Variants in NDUFC1 observed in about 807,000 individuals in gnomAD.
NDUFC1 encodes the protein NADH:ubiquinone oxidoreductase subunit C1.
In NDUFC1, 11 loss-of-function variants were observed where a neutral mutation model predicts 11.6. The ratio of observed to expected loss-of-function variants is 0.95; its 90% CI spans 0.60 to 1.58. NDUFC1 has a LOEUF of 1.58. Ranked by LOEUF, NDUFC1 falls within the 40% of genes most tolerant of loss-of-function variation. The probability of loss-of-function intolerance (pLI) is 0.00; values close to 1 mark genes in which losing one functional copy is unlikely to be tolerated. For synonymous variants in NDUFC1, 52 were observed against 42.2 expected (o/e 1.23, Z -0.90); for missense variants, 112 against 93.0 (o/e 1.20, Z -0.84).
At chr4:139,293,838 TTTC>T (rs553198883) in intron 4 of NDUFC1, among the ~76,000 whole-genome samples, 11 of 152,180 alleles carry the variant, frequency 7.2e-5, no homozygotes, top group African/African-American at 2.4e-4. Context: ...TCTCCAAGTG[TTTC>T]TTATCTGTAA....
At chr4:139,294,003 A>T (rs893208000) in intron 4 of NDUFC1, among the ~76,000 whole-genome samples, 8 of 133,108 alleles carry the variant, frequency 6.0e-5, no homozygotes, top group Non-Finnish European at 1.2e-4. Flanking sequence ...GTGCGGTAGC[A>T]CGATCTCGGC....
chr4:139,301,745 G>A, intron 1 of NDUFC1: 3 of 1,553,044 alleles, frequency 1.9e-6, no homozygotes, highest in Non-Finnish European at 1.7e-6. Context: ...ACCGAGCCGG[G>A]TGGTGGCGGG....
Position 139,295,730 on chromosome 4 carries a change from ACGGCCGCT to A in NDUFC1, c.61_67+1del. 6.5e-7 allele frequency: 1 copy of A among 1,542,788 alleles called. No homozygotes were observed. The highest frequency in any genetic ancestry group is 8.7e-7 in the Non-Finnish European group (1 of 1,144,540). On this transcript the variant is annotated splice_donor_variant and coding_sequence_variant, in exon 3 of 6. Transcript: ENST00000394223. LOFTEE classifies it high-confidence loss of function. ...GTCGGCCTGCACGAGGAGGATACTC[ACGGCCGCT>A]CGGGAGCCTGGCGGGGGCCAGCAGC...
chr4:139,301,817 T>G, intron 1 of NDUFC1: 1 of 1,593,894 alleles, frequency 6.3e-7, no homozygotes, highest in Non-Finnish European at 8.5e-7. Context: ...GAATGCGCTC[T>G]TCAAGCGGAT....
chr4:139,295,721 AGGATACTCACGGCCGCTCGGGAGCCT>A lies in NDUFC1; in HGVS notation c.52_67+10del, dbSNP rs752825906. On this transcript the variant is annotated splice_donor_variant and splice_donor_5th_base_variant and coding_sequence_variant and intron_variant, in exon 3 of 6. Coordinates refer to ENST00000394223, the MANE Select transcript of NDUFC1 (RefSeq NM_001184989.2). LOFTEE classifies it high-confidence loss of function. Reference sequence around the variant, plus strand: ...GAGGGTCGAGTCGGCCTGCACGAGGAGGATACTCACGGCCGCTCGGGAGCCTGGCGGGGGCCAGCAGCCGGGAAAGG... The same window carrying A: ...GAGGGTCGAGTCGGCCTGCACGAGGAGGCGGGGGCCAGCAGCCGGGAAAGG... 5.4e-5 allele frequency: 83 copies of A among 1,541,712 alleles called. No individual in the cohort carries two copies. The highest frequency in any genetic ancestry group is 7.1e-5 in the Non-Finnish European group (81 of 1,143,896).
In NDUFC1 at chr4:139,290,079, T is replaced by C. The variant is rs1405418194; in HGVS notation, c.*34A>G. On this transcript the variant is annotated 3_prime_UTR_variant, in exon 6 of 6. Coordinates refer to ENST00000394223, the MANE Select transcript of NDUFC1 (RefSeq NM_001184989.2). ...AATCCAGAGGAACAGCTACAATCAC[T>C]ATACGGAGCATACCTATAATGAAGA... is the stretch of plus-strand genomic sequence containing the variant. 1.3e-5 allele frequency: 2 copies of C among 151,630 alleles called. No homozygotes were observed. The highest frequency in any genetic ancestry group is 2.9e-5 in the Non-Finnish European group (2 of 67,974). The allele number at this position is 151,630 out of a possible 1,614,324, so 9.4% of individuals were successfully genotyped here. A position where few individuals can be genotyped will look rare whatever the true frequency, so the allele number is the denominator to read the frequency against.
intron 2 of NDUFC1, 52 bp from the exon 3 acceptor site, chr4:139,296,012 A>G: frequency 1.9e-6 from 1 of 522,546 alleles, no homozygotes; most frequent in Non-Finnish European, 3.3e-6. Context: ...GAGTTTACCT[A>G]TTCTCTGTCC....
chr4:139,292,668 G>A, intron 4 of NDUFC1, 59 bp from the exon 5 acceptor site: 3 of 1,108,150 alleles, frequency 2.7e-6, no homozygotes, highest in Non-Finnish European at 3.9e-6. Context: ...CTTATATTTT[G>A]TAAAGGAATA....
chr4:139,301,708 A>C (rs945728702), intron 1 of NDUFC1: 10 of 1,509,654 alleles, frequency 6.6e-6, no homozygotes, highest in Non-Finnish European at 9.0e-6. Flanking sequence ...ACGGAACGGC[A>C]GCGGCGGCGG....
chr4:139,292,097 A>G (rs1023327941), intron 5 of NDUFC1, among the ~76,000 whole-genome samples: 1 of 152,182 alleles, frequency 6.6e-6, no homozygotes, highest in Non-Finnish European at 1.5e-5. Context: ...TCGGCCTCCC[A>G]AAGTGCTGGG....
chr4:139,299,322 T>C (rs1369571884), intron 1 of NDUFC1, among the ~76,000 whole-genome samples: 1 of 151,876 alleles, frequency 6.6e-6, no homozygotes, highest in Admixed American at 6.6e-5. Context: ...ACAGTCTCAA[T>C]AGAGAACATC....
At chr4:139,290,416 A>G (rs2110750398) in intron 5 of NDUFC1, among the ~76,000 whole-genome samples, 1 of 149,464 alleles carries the variant, frequency 6.7e-6, no homozygotes, top group South Asian at 2.1e-4. Flanking sequence ...AAGTACTGAG[A>G]TTACAGGCAT....
At chr4:139,295,257 T>A in intron 3 of NDUFC1, 111 bp from the exon 4 acceptor site, 1 of 816,546 alleles carries the variant, frequency 1.2e-6, no homozygotes, top group Non-Finnish European at 2.0e-6. Flanking sequence ...CTCCCCCATC[T>A]CCCACTTAAA....
At chr4:139,302,146 G>T (rs1425508988) in intron 1 of NDUFC1, 2 of 314,304 alleles carry the variant, frequency 6.4e-6, no homozygotes, top group Admixed American at 4.9e-5. Context: ...GGCCTTTGGC[G>T]GGCAAGTGGG....
At chr4:139,294,394 G>A (rs1299058320) in intron 4 of NDUFC1, among the ~76,000 whole-genome samples, 1 of 152,000 alleles carries the variant, frequency 6.6e-6, no homozygotes, top group Non-Finnish European at 1.5e-5. Flanking sequence ...TCTGAAAAAG[G>A]TACCTTCATA....
rs201811659 is a variant in NDUFC1, at chr4:139,295,123, C to T, written c.91G>A (p.Val31Met). 1.5e-5 allele frequency: 24 copies of T among 1,614,146 alleles called. No homozygotes were observed. The Admixed American group carries it at 4.0e-4, about 27-fold the overall frequency. The stretch of plus-strand genomic sequence containing the variant: ...GGTTTGGCATTCGGCGGCTCTCGCA[C>T]GTAGAACTTTGATCGCACTGAAGCT... ...SGPSVRSKFY[V>M]REPPNAKPDW... is the part of the protein sequence containing the mutation. The change falls in exon 4 of 6, where the codon GTG becomes ATG. Residue 31 changes from valine (V) to methionine (M), a missense_variant. Physicochemically the swap from Val to Met is conservative, Grantham distance 21 (BLOSUM62 1). Transcript: ENST00000394223.
At chr4:139,291,922 TGCCTCCCGGGTTCAC>T (rs1745236536) in intron 5 of NDUFC1, among the ~76,000 whole-genome samples, 1 of 151,660 alleles carries the variant, frequency 6.6e-6, no homozygotes, top group Admixed American at 6.6e-5. Context: ...CTGCAAACTC[TGCCTCCCGGGTTCAC>T]GCCATTCTCC....
At chr4:139,300,979 G>T (rs1477155425) in intron 1 of NDUFC1, 1 of 152,250 alleles carries the variant, frequency 6.6e-6, no homozygotes, top group Non-Finnish European at 1.5e-5. Flanking sequence ...CGACAGCCAG[G>T]CCCATTTCAT....
At chr4:139,295,987 A>T in intron 2 of NDUFC1, 27 bp from the exon 3 acceptor site, 1 of 549,112 alleles carries the variant, frequency 1.8e-6, no homozygotes, top group South Asian at 2.6e-5. Flanking sequence ...GGAAGAAAAT[A>T]ATTAAAAGAA....
Sources: allele counts gnomAD v4.1 joint callset (sites outside exome capture counted in the v4.1 genomes callset), GRCh38; gene constraint gnomAD v4.1.1; transcripts MANE v1.5; gene names NCBI Gene and HGNC (gene_info 2026-07-23, HGNC 2026-07-21).